Variants in WTIP observed in about 807,000 individuals in gnomAD.
WTIP encodes Wilms tumor protein 1-interacting protein.
In WTIP, 23 loss-of-function variants were observed where a neutral mutation model predicts 41.7. The ratio of observed to expected loss-of-function variants is 0.55; its 90% CI spans 0.40 to 0.78. WTIP has a LOEUF of 0.78. Ranked by LOEUF, WTIP falls within the 30% of genes least tolerant of loss-of-function variation. WTIP has a pLI of 0.00. For missense variants in WTIP, 619 were observed against 610.5 expected, an observed-to-expected ratio of 1.01 and a Z score of -0.15; for synonymous variants, 314 against 269.9, an observed-to-expected ratio of 1.16 and a Z score of -1.60.
intron 1 of WTIP, among the ~76,000 whole-genome samples, chr19:34,487,699 G>A (rs989869049): frequency 6.6e-6 from 1 of 152,208 alleles, no homozygotes; most frequent in African/African-American, 2.4e-5. Flanking sequence ...AGGAGGGAGA[G>A]GAGGTTATTT....
Position 34,482,655 on chromosome 19 carries a change from G to A in WTIP, c.667+14G>A. The A allele has an allele frequency of 8.1e-7, 1 of 1,227,048 alleles. No homozygotes were observed. Among genetic ancestry groups the A allele is most frequent in the Non-Finnish European group, 1.0e-6 (1 of 984,976 alleles). The allele number at this position is 1,227,048 out of a possible 1,614,324, so 76.0% of individuals were successfully genotyped here. ...GGGACTACTTCGGTGAGCTCGCTCG[G>A]CCCGGCAGTTCCCTGCGCGCATGGC... On this transcript the variant is annotated intron_variant, in intron 1 of 7. Transcript: ENST00000590071.
Position 34,499,430 on chromosome 19 carries a change from C to T in WTIP, c.1153-699C>T, listed in dbSNP as rs550179417. 2.6e-5 allele frequency among the ~76,000 whole-genome samples: 4 copies of T among 152,152 alleles called. No homozygotes were observed. In the South Asian group the frequency reaches 8.3e-4, roughly 32 times the overall value. ...GGCTGAGGTGGGAGGATCACTTGAGCCCTGGAGGTCGAGGCTGCAGTGAAC... is the reference window on the plus strand; with the variant it reads ...GGCTGAGGTGGGAGGATCACTTGAGTCCTGGAGGTCGAGGCTGCAGTGAAC... On this transcript the variant is annotated intron_variant, in intron 7 of 7. Coordinates refer to ENST00000590071, the MANE Select transcript of WTIP (RefSeq NM_001080436.2).
rs987664255 is a variant in WTIP at position 34,483,736 on chromosome 19, T to C, written c.667+1095T>C. 2.6e-5 allele frequency among the ~76,000 whole-genome samples: 4 copies of C among 151,958 alleles called. No homozygotes were observed. In the East Asian group the frequency reaches 7.7e-4, roughly 29 times the overall value. On this transcript the variant is annotated intron_variant, in intron 1 of 7. Coordinates refer to ENST00000590071, the MANE Select transcript of WTIP (RefSeq NM_001080436.2). ...TCTTGGGACAGCTCTTGGGGTGAGA[T>C]TGTGAGCGGGGCAGAGGTATACTGT...
chr19:34,488,084 T>A (rs1369591971), intron 1 of WTIP, among the ~76,000 whole-genome samples: 1 of 152,104 alleles, frequency 6.6e-6, no homozygotes, highest in Non-Finnish European at 1.5e-5. Flanking sequence ...CCTTTTTTTT[T>A]TTTTTCTTTG....
intron 1 of WTIP, among the ~76,000 whole-genome samples, chr19:34,488,521 A>G (rs887839829): frequency 1.3e-5 from 2 of 151,574 alleles, no homozygotes; most frequent in Admixed American, 1.3e-4. Context: ...GCATGCCACC[A>G]TGCCTGGATA....
chr19:34,495,314 T>C (rs563941703), intron 6 of WTIP, among the ~76,000 whole-genome samples: 4 of 152,198 alleles, frequency 2.6e-5, no homozygotes, highest in African/African-American at 9.6e-5. Flanking sequence ...GGAGGATTGC[T>C]TGAGCCCAGG....
At chr19:34,494,664 C>A in intron 6 of WTIP, 27 bp downstream of exon 6, 1 of 1,609,858 alleles carries the variant, frequency 6.2e-7, no homozygotes. Flanking sequence ...CAGAGATGAT[C>A]AGGTGCCTGG....
Position 34,501,354 on chromosome 19 carries a change from TTCCGTGTGTG to T in WTIP, c.*1090_*1099del, listed in dbSNP as rs1413250593. The T allele has an allele frequency of 6.6e-6, 1 of 152,146 alleles. No individual in the cohort carries two copies. The highest frequency in any genetic ancestry group is 1.5e-5 in the Non-Finnish European group (1 of 68,046). 9.4% of individuals were successfully genotyped at this position (152,146 alleles called of 1,614,324 possible). On this transcript the variant is annotated 3_prime_UTR_variant, in exon 8 of 8. Transcript: ENST00000590071. ...TTTCAGACTTTAGGGTAGTGTGGGG[TTCCGTGTGTG>T]TCCGGGTGTTAAGGGCGGTCGCCCC...
chr19:34,482,535 G>A lies in WTIP; in HGVS notation c.561G>A (p.Leu187=). 1 of 1,227,272 alleles carries A rather than the reference G, an allele frequency of 8.1e-7. No individual in the cohort carries two copies. Among genetic ancestry groups the A allele is most frequent in the Admixed American group, 4.3e-5 (1 of 23,256 alleles). The allele number at this position is 1,227,272 out of a possible 1,614,324, so 76.0% of individuals were successfully genotyped here. Residue 187 remains leucine (L), a synonymous_variant, in exon 1 of 8, where the codon CTG becomes CTA. Coordinates refer to ENST00000590071, the MANE Select transcript of WTIP (RefSeq NM_001080436.2). Reference sequence around the variant, plus strand: ...CCTTCCCGCTGCCTGCACTCCCGCTGCCCCCTGGCCGGGAGGGCGGCCCAA... The same window carrying A: ...CCTTCCCGCTGCCTGCACTCCCGCTACCCCCTGGCCGGGAGGGCGGCCCAA... ...PAPFPLPALP[L]PPGREGGPSA...
chr19:34,482,387 G>C lies in WTIP; in HGVS notation c.413G>C (p.Gly138Ala). Residue 138 changes from glycine (G) to alanine (A), a missense_variant, in exon 1 of 8, where the codon GGC (glycine) becomes GCC (alanine). This residue lies in a region of WTIP where 363 missense variants were observed against 309.0 expected (regional missense o/e 1.17). Transcript: ENST00000590071. ...PRPGPGPPSVGSARSSVSSLG... is the reference protein window; with the variant it reads ...PRPGPGPPSVASARSSVSSLG... ...CCCGGTCCCGGGCCGCCTTCGGTGG[G>C]CAGCGCCCGCTCCAGCGTTTCCAGC... is the stretch of plus-strand genomic sequence containing the variant. 1 of 1,367,790 alleles carries C rather than the reference G, an allele frequency of 7.3e-7. No individual in the cohort carries two copies. Among genetic ancestry groups the C allele is most frequent in the African/African-American group, 1.5e-5 (1 of 65,192 alleles). The allele number at this position is 1,367,790 out of a possible 1,614,324, so 84.7% of individuals were successfully genotyped here.
chr19:34,502,853 C>T lies in WTIP; in HGVS notation c.*2584C>T, dbSNP rs889550355. ...ACAGGCTTGAGCCACCGTGCCTGGC[C>T]TGGGCTCCTTTGCCTTCTAACTGGT... On this transcript the variant is annotated 3_prime_UTR_variant, in exon 8 of 8. Transcript: ENST00000590071. 3 of 152,326 alleles carry T rather than the reference C, an allele frequency of 2.0e-5. No homozygotes were observed. Among genetic ancestry groups the T allele is most frequent in the African/African-American group, 7.2e-5 (3 of 41,454 alleles). 9.4% of individuals were successfully genotyped at this position (152,326 alleles called of 1,614,324 possible). A position where few individuals can be genotyped will look rare whatever the true frequency, so the allele number is the denominator to read the frequency against.
Position 34,492,043 on chromosome 19 carries a change from A to G in WTIP, c.770-994A>G, listed in dbSNP as rs548228545. On this transcript the variant is annotated intron_variant, in intron 2 of 7. Coordinates refer to ENST00000590071, the MANE Select transcript of WTIP (RefSeq NM_001080436.2). ...ACTGTAGAAAAGTTTTGTCCATTCT[A>G]GAACTTAACATAAATGCATTCCTAT... is the stretch of plus-strand genomic sequence containing the variant. Among the ~76,000 whole-genome samples the G allele has an allele frequency of 8.6e-5, 13 of 151,350 alleles. No individual in the cohort carries two copies. In the South Asian group the frequency reaches 2.7e-3, roughly 32 times the overall value.
Position 34,508,590 on chromosome 19 carries a change from G to A in WTIP, c.*8321G>A, listed in dbSNP as rs1003834930. On this transcript the variant is annotated 3_prime_UTR_variant, in exon 8 of 8. Transcript: ENST00000590071. ...GGCCAGGACCCTGGAGATGAGGCCA[G>A]GATGGCCGACTCCAACCCCTTAGCT... is the stretch of plus-strand genomic sequence containing the variant. 5 of 152,430 alleles carry A rather than the reference G, an allele frequency of 3.3e-5. No individual in the cohort carries two copies. 9.4% of individuals were successfully genotyped at this position (152,430 alleles called of 1,614,324 possible).
intron 7 of WTIP, among the ~76,000 whole-genome samples, chr19:34,496,728 A>C (rs2075855957): frequency 7.0e-6 from 1 of 142,062 alleles, no homozygotes; most frequent in Admixed American, 7.1e-5. Context: ...GAGTGAGGGC[A>C]GGGGGAAGAG....
chr19:34,494,115 G>T (rs1412993720), intron 5 of WTIP, among the ~76,000 whole-genome samples: 1 of 152,216 alleles, frequency 6.6e-6, no homozygotes, highest in Non-Finnish European at 1.5e-5. Context: ...TACTCAGGGT[G>T]AAGCCAGGTC....
Position 34,482,569 on chromosome 19 carries a change from G to C in WTIP, c.595G>C (p.Glu199Gln). The change falls in exon 1 of 8, where the codon GAG (glutamate) becomes CAG (glutamine). Residue 199 changes from glutamate to glutamine, a missense_variant. Physicochemically the swap from Glu to Gln is conservative, Grantham distance 29. This residue lies in a region of WTIP where 363 missense variants were observed against 309.0 expected (regional missense o/e 1.17). Coordinates refer to ENST00000590071, the MANE Select transcript of WTIP (RefSeq NM_001080436.2). ...CCGGGAGGGCGGCCCAAGCGCGGCC[G>C]AGCGGCGGCTGGAGGCGCTCACCCG... ...PGREGGPSAA[E>Q]RRLEALTREL... 20 of 1,230,888 alleles carry C rather than the reference G, an allele frequency of 1.6e-5. No homozygotes were observed. Among genetic ancestry groups the C allele is most frequent in the Non-Finnish European group, 2.0e-5 (20 of 988,222 alleles). The allele number at this position is 1,230,888 out of a possible 1,614,324, so 76.2% of individuals were successfully genotyped here. A position where few individuals can be genotyped will look rare whatever the true frequency, so the allele number is the denominator to read the frequency against.
intron 7 of WTIP, among the ~76,000 whole-genome samples, chr19:34,496,684 G>A (rs2075855727): frequency 6.6e-6 from 1 of 151,780 alleles, no homozygotes; most frequent in African/African-American, 2.4e-5. Context: ...TTGGGGGTTG[G>A]GGGTTGGGAG....
chr19:34,488,167 C>A (rs993939472), intron 1 of WTIP, among the ~76,000 whole-genome samples: 2 of 152,144 alleles, frequency 1.3e-5, no homozygotes, highest in African/African-American at 2.4e-5. Flanking sequence ...CCTCCGCCCC[C>A]CAGGTTCAAG....
chr19:34,498,015 G>A (rs1459364178), intron 7 of WTIP, among the ~76,000 whole-genome samples: 5 of 152,132 alleles, frequency 3.3e-5, no homozygotes, highest in Admixed American at 6.5e-5. Context: ...CCGGGACCCC[G>A]CACTCCTCCC....
Sources: gnomAD v4.1 joint callset for allele counts (sites outside exome capture counted in the v4.1 genomes callset) on GRCh38, gnomAD v4.1.1 for gene constraint, gnomAD v4.1.1 regional missense constraint, MANE v1.5 for transcripts, NCBI Gene and HGNC (gene_info 2026-07-23, HGNC 2026-07-21) for gene names.